Variants in RNF24 observed in about 807,000 individuals in gnomAD.
The protein encoded by RNF24 is ring finger protein 24.
A neutral mutation model predicts 20.0 loss-of-function variants in RNF24; 14 were observed. The observed-to-expected ratio is 0.70, with a 90% CI of 0.46 to 1.10. The LOEUF is 1.10. Ranked by LOEUF, RNF24 falls within the 50% of genes least tolerant of loss-of-function variation. RNF24 has a pLI of 0.00. For missense variants in RNF24, 124 were observed against 177.6 expected (o/e 0.70, Z 1.71); for synonymous variants, 45 against 61.1 (o/e 0.74, Z 1.23).
chr20:3,946,541 T>G (rs935190678), intron 3 of RNF24, among the ~76,000 whole-genome samples: 18 of 151,568 alleles, frequency 1.2e-4, no homozygotes, highest in African/African-American at 4.4e-4. Flanking sequence ...GTACAAAAAT[T>G]AGCCGGGGGT....
intron 4 of RNF24, among the ~76,000 whole-genome samples, chr20:3,940,364 G>A (rs1213805119): frequency 6.7e-6 from 1 of 149,024 alleles, no homozygotes; most frequent in African/African-American, 2.5e-5. Context: ...CAGTGAACTA[G>A]AAGACAGAAC....
Position 3,933,063 on chromosome 20 carries a change from CTTTTTTTTTTTTTT to C in RNF24, c.*986_*999del, listed in dbSNP as rs11470036. ...AAAGTGTTAAAAAGTGAATGACAGG[CTTTTTTTTTTTTTT>C]TTTTTTTTTTCTGAAGTAGAAAGAG... On this transcript the variant is annotated 3_prime_UTR_variant, in exon 6 of 6. Transcript: ENST00000358395. The C allele has an allele frequency of 4.1e-6, 1 of 242,302 alleles. No homozygotes were observed. The highest frequency in any genetic ancestry group is 3.7e-5 in the African/African-American group (1 of 26,876). The allele number at this position is 242,302 out of a possible 1,614,324, so 15.0% of individuals were successfully genotyped here. A position where few individuals can be genotyped will look rare whatever the true frequency, so the allele number is the denominator to read the frequency against.
At chr20:4,009,057 G>A (rs1019244067) in intron 1 of RNF24, among the ~76,000 whole-genome samples, 4 of 152,188 alleles carry the variant, frequency 2.6e-5, no homozygotes, top group Non-Finnish European at 5.9e-5. Context: ...CATGTACTGA[G>A]TAGACACTTG....
intron 2 of RNF24, among the ~76,000 whole-genome samples, chr20:3,957,788 C>T (rs945433782): frequency 4.2e-4 from 64 of 152,102 alleles, no homozygotes; most frequent in Non-Finnish European, 2.1e-4. Context: ...TTTTATTTTG[C>T]ACTGCTAAAT....
chr20:3,972,655 C>CT (rs1443908242), intron 1 of RNF24, among the ~76,000 whole-genome samples: 1 of 151,824 alleles, frequency 6.6e-6, no homozygotes, highest in Non-Finnish European at 1.5e-5. Flanking sequence ...AATCCCAGCA[C>CT]TGTGGAGGGC....
chr20:4,001,009 G>A (rs752915247), intron 1 of RNF24, among the ~76,000 whole-genome samples: 1 of 152,192 alleles, frequency 6.6e-6, no homozygotes, highest in Non-Finnish European at 1.5e-5. Context: ...GCTCATGCCT[G>A]TAATCCTAGC....
chr20:3,976,695 T>TA (rs1181845656), intron 1 of RNF24, among the ~76,000 whole-genome samples: 2 of 152,218 alleles, frequency 1.3e-5, no homozygotes, highest in African/African-American at 4.8e-5. Context: ...CACTCAGCAA[T>TA]AAAAAGAAAC....
In RNF24 at chr20:3,945,024, AT is replaced by A. The variant is rs773013413; in HGVS notation, c.228+152del. Among the ~76,000 whole-genome samples, 17 of 152,302 alleles carry A rather than the reference AT, an allele frequency of 1.1e-4. 1 individual carries two copies. In the South Asian group the frequency reaches 2.9e-3, roughly 26 times the overall value. ...CTCTCGTAAAGCCTTCACACAATTG[AT>A]TTTTATGTGACCTCACCCTGAAATA... On this transcript the variant is annotated intron_variant, in intron 4 of 5. Transcript: ENST00000358395.
rs1432070235 is a variant in RNF24 at position 3,932,299 on chromosome 20, T to C, written c.*1764A>G. 1 of 152,228 alleles carries C rather than the reference T, an allele frequency of 6.6e-6. No homozygotes were observed. The highest frequency in any genetic ancestry group is 1.5e-5 in the Non-Finnish European group (1 of 68,046). 9.4% of individuals were successfully genotyped at this position (152,228 alleles called of 1,614,324 possible). A position where few individuals can be genotyped will look rare whatever the true frequency, so the allele number is the denominator to read the frequency against. On this transcript the variant is annotated 3_prime_UTR_variant, in exon 6 of 6. Transcript: ENST00000358395. ...GACGGTGAAAGTAGGAGTGCATAAA[T>C]AGTTTTTTTCATGGGTGCCAGACAG...
chr20:3,969,838 T>G (rs2091296498), intron 1 of RNF24, among the ~76,000 whole-genome samples: 2 of 151,360 alleles, frequency 1.3e-5, no homozygotes, highest in African/African-American at 4.9e-5. Context: ...TGGTGTGATC[T>G]TGGCTCACTG....
rs568143550 is a variant in RNF24 at position 3,944,145 on chromosome 20, G to A, written c.228+1032C>T. Among the ~76,000 whole-genome samples, 413 of 147,484 alleles carry A rather than the reference G, an allele frequency of 2.8e-3. 1 individual carries two copies. Among genetic ancestry groups the A allele is most frequent in the Non-Finnish European group, 4.8e-3 (326 of 67,316 alleles). ...GAATCGCTTGAGCCCAGGAGGCGGA[G>A]TTTGTAGTGAGCGGAGATTGCACCA... On this transcript the variant is annotated intron_variant, in intron 4 of 5. Transcript: ENST00000358395.
intron 1 of RNF24, among the ~76,000 whole-genome samples, chr20:3,982,606 G>A (rs558814567): frequency 2.0e-5 from 3 of 149,976 alleles, no homozygotes; most frequent in Non-Finnish European, 4.4e-5. Flanking sequence ...AGAGGTGGGA[G>A]CCTGCTGCAG....
chr20:3,994,034 G>A (rs6139269), intron 1 of RNF24, among the ~76,000 whole-genome samples: 1 of 152,076 alleles, frequency 6.6e-6, no homozygotes, highest in Non-Finnish European at 1.5e-5. Context: ...TTCTGTTCTA[G>A]GATCCCACAT....
rs951110065 is a variant in RNF24, at chr20:3,930,250, CAG to C, written c.*3811_*3812del. On this transcript the variant is annotated 3_prime_UTR_variant, in exon 6 of 6. Transcript: ENST00000358395. ...AATATTCAGCACTGAACAACCAAGTCAGAGTTCACTGTGGGCAAAGGCAGAGA... is the reference window on the plus strand; with the variant it reads ...AATATTCAGCACTGAACAACCAAGTCAGTTCACTGTGGGCAAAGGCAGAGA... 3.9e-5 allele frequency: 6 copies of C among 152,334 alleles called. No individual in the cohort carries two copies. The highest frequency in any genetic ancestry group is 1.4e-4 in the African/African-American group (6 of 41,566). 9.4% of individuals were successfully genotyped at this position (152,334 alleles called of 1,614,324 possible).
intron 1 of RNF24, among the ~76,000 whole-genome samples, chr20:4,003,386 G>A (rs578079044): frequency 2.2e-4 from 33 of 152,198 alleles, no homozygotes; most frequent in African/African-American, 7.2e-4. Context: ...CACACACAGC[G>A]CTGACTAAGT....
At chr20:3,956,366 A>G (rs1197613448) in intron 2 of RNF24, among the ~76,000 whole-genome samples, 1 of 151,564 alleles carries the variant, frequency 6.6e-6, no homozygotes, top group Non-Finnish European at 1.5e-5. Flanking sequence ...GTTTATTGCC[A>G]TAAATGCATA....
intron 2 of RNF24, among the ~76,000 whole-genome samples, chr20:3,954,791 T>C (rs13040791): frequency 0.35 from 52,922 of 151,086 alleles, 11,323 homozygotes; most frequent in Non-Finnish European, 0.47. Flanking sequence ...CCCAACTACT[T>C]GGGAGGCTGA....
chr20:3,965,700 G>A (rs1339484305), intron 1 of RNF24, among the ~76,000 whole-genome samples: 1 of 152,172 alleles, frequency 6.6e-6, no homozygotes, highest in Non-Finnish European at 1.5e-5. Context: ...ACAAAACTCA[G>A]CTCTTAACTT....
At chr20:3,963,772 T>C (rs2091228113) in intron 2 of RNF24, 103 bp downstream of exon 2, 1 of 907,264 alleles carries the variant, frequency 1.1e-6, no homozygotes, top group African/African-American at 1.7e-5. Flanking sequence ...TTTTTAAAAA[T>C]TTGCCAATTA....
Sources: allele counts gnomAD v4.1 joint callset (sites outside exome capture counted in the v4.1 genomes callset), GRCh38; gene constraint gnomAD v4.1.1; transcripts MANE v1.5; gene names NCBI Gene and HGNC (gene_info 2026-07-23, HGNC 2026-07-21).